The following GPM6B variants were observed in gnomAD, a reference collection of about 807,000 sequenced individuals.
GPM6B encodes the protein neuronal membrane glycoprotein M6-b.
In GPM6B, 4 loss-of-function variants were observed where a neutral mutation model predicts 27.2. The ratio of observed to expected loss-of-function variants is 0.15; its 90% confidence interval spans 0.07 to 0.34. The LOEUF (loss-of-function observed/expected upper bound fraction) is 0.34. Among genes scored for constraint, GPM6B ranks in the 10% least tolerant of loss-of-function variants. The probability of loss-of-function intolerance (pLI) is 1.00; values close to 1 mark genes in which losing one functional copy is unlikely to be tolerated. For missense variants in GPM6B, 183 were observed against 261.9 expected, an observed-to-expected ratio of 0.70 and a Z score of 2.08; for synonymous variants, 124 against 103.1, an observed-to-expected ratio of 1.20 and a Z score of -1.23.
chrX:13,860,984 A>G (rs1320990765), intron 1 of GPM6B, among the ~76,000 whole-genome samples: 1 of 107,096 alleles, frequency 9.3e-6, no homozygotes, highest in African/African-American at 3.4e-5. Context: ...ATGGCTGAGT[A>G]TTCCACAGAA....
intron 1 of GPM6B, among the ~76,000 whole-genome samples, chrX:13,870,795 C>T (rs1299370908): frequency 8.9e-6 from 1 of 111,945 alleles, no homozygotes; most frequent in Admixed American, 9.5e-5. Flanking sequence ...TCTAGAACAG[C>T]CCTTTGCAAA....
At position 13,817,070 on chromosome X, in the gene GPM6B, T is replaced by C. The variant is rs1457482850; in HGVS notation, c.-166A>G. 1.9e-5 allele frequency: 20 copies of C among 1,028,410 alleles called. No individual in the cohort carries two copies. The highest frequency in any genetic ancestry group is 6.0e-5 in the African/African-American group (3 of 50,213). 84.8% of individuals were successfully genotyped at this position (1,028,410 alleles called of 1,213,427 possible). A position where few individuals can be genotyped will look rare whatever the true frequency, so the allele number is the denominator to read the frequency against. The stretch of plus-strand genomic sequence containing the variant: ...TACAGTCCCTTCCAAGATGCAAAAG[T>C]CTTGTCAGCGTCAATTTCGCTCTGC... On this transcript the variant is annotated 5_prime_UTR_variant, in exon 1 of 8. Transcript: ENST00000316715.
At chrX:13,778,640 T>C (rs941826152) in intron 5 of GPM6B, among the ~76,000 whole-genome samples, 3 of 112,252 alleles carry the variant, frequency 2.7e-5, no homozygotes, top group South Asian at 3.7e-4. Context: ...TACCCCAAAT[T>C]ATCAGTGAAA....
At chrX:13,931,769 T>C (rs752515055) in intron 1 of GPM6B, among the ~76,000 whole-genome samples, 29 of 112,162 alleles carry the variant, frequency 2.6e-4, no homozygotes, top group Non-Finnish European at 4.5e-4. Context: ...TTCAGTTCCC[T>C]GACCAAATCG....
In GPM6B at chrX:13,853,401, C is replaced by T. The variant is rs764721279; in HGVS notation, c.-197-67593G>A. ...GGTGAATCACTTGAGGTCAGGAGTT[C>T]GGGACCAGCCTGGCCAACATGGTGA... is the stretch of plus-strand genomic sequence containing the variant. On this transcript the variant is annotated intron_variant, in intron 1 of 6. Transcript: ENST00000398361. Among the ~76,000 whole-genome samples, 90 of 109,187 alleles carry T rather than the reference C, an allele frequency of 8.2e-4. 1 individual carries two copies. The Middle Eastern group carries it at 0.023, about 28-fold the overall frequency. The allele number at this position is 109,187 out of a possible 115,157, so 94.8% of individuals were successfully genotyped here.
intron 1 of GPM6B, among the ~76,000 whole-genome samples, chrX:13,852,072 T>C (rs1410094291): frequency 9.0e-6 from 1 of 111,210 alleles, no homozygotes. Flanking sequence ...AACTAAACAC[T>C]ACAGGTGCAG....
At chrX:13,790,942 G>A (rs1431124758) in intron 2 of GPM6B, among the ~76,000 whole-genome samples, 1 of 111,774 alleles carries the variant, frequency 8.9e-6, no homozygotes, top group Non-Finnish European at 1.9e-5. Flanking sequence ...GATTCAGGCT[G>A]TCCTTAGTAG....
intron 2 of GPM6B, among the ~76,000 whole-genome samples, chrX:13,796,572 G>A (rs955248983): frequency 6.2e-5 from 7 of 112,139 alleles, no homozygotes; most frequent in Non-Finnish European, 1.3e-4. Context: ...TCAAATATAG[G>A]TTGCTTCTCA....
chrX:13,931,437 G>A (rs968856857), intron 1 of GPM6B, among the ~76,000 whole-genome samples: 31 of 108,801 alleles, frequency 2.8e-4, no homozygotes, highest in Middle Eastern at 9.6e-3. Context: ...GCAGTGAGCC[G>A]AGATCGCACC....
intron 1 of GPM6B, among the ~76,000 whole-genome samples, chrX:13,931,730 C>A (rs1029705443): frequency 9.0e-6 from 1 of 111,342 alleles, no homozygotes; most frequent in Non-Finnish European, 1.9e-5. Flanking sequence ...CATTTGTAAT[C>A]AACTAAAATT....
intron 1 of GPM6B, among the ~76,000 whole-genome samples, chrX:13,842,181 A>G (rs759106730): frequency 5.3e-5 from 6 of 112,469 alleles, no homozygotes; most frequent in Non-Finnish European, 1.1e-4. Context: ...TAGGTTTAGA[A>G]AATTGTCATT....
chrX:13,830,485 A>G (rs960381100), intron 1 of GPM6B, among the ~76,000 whole-genome samples: 5 of 112,527 alleles, frequency 4.4e-5, no homozygotes, highest in African/African-American at 1.3e-4. Flanking sequence ...CTTACTTACT[A>G]GCAAGCCACA....
chrX:13,793,551 T>C (rs1314214849), intron 2 of GPM6B, among the ~76,000 whole-genome samples: 2 of 112,270 alleles, frequency 1.8e-5, no homozygotes, highest in Non-Finnish European at 3.8e-5. Flanking sequence ...AAGGTTACAA[T>C]ACATAATTCT....
In GPM6B at chrX:13,849,765, G is replaced by C. The variant is rs748694333; in HGVS notation, c.-197-63957C>G. ...TGTTATTTTGGGGGTGGGGGGGAGA[G>C]TAATAAAATATAGGCCCGGTGTGGT... On this transcript the variant is annotated intron_variant, in intron 1 of 6. Coordinates refer to the GPM6B transcript ENST00000398361. Among the ~76,000 whole-genome samples the C allele has an allele frequency of 2.7e-5, 3 of 110,061 alleles. No individual in the cohort carries two copies. The South Asian group carries it at 1.2e-3, about 44-fold the overall frequency.
At chrX:13,784,202 T>C (rs1277803750) in intron 3 of GPM6B, among the ~76,000 whole-genome samples, 2 of 112,904 alleles carry the variant, frequency 1.8e-5, no homozygotes, top group South Asian at 3.6e-4. Flanking sequence ...AAAATACTGG[T>C]ACCTGGATCC....
At chrX:13,797,158 T>C (rs1208744854) in intron 2 of GPM6B, among the ~76,000 whole-genome samples, 1 of 112,393 alleles carries the variant, frequency 8.9e-6, no homozygotes, top group Admixed American at 9.4e-5. Flanking sequence ...TTCCATTCAA[T>C]GAGTGTCTGT....
At chrX:13,893,351 T>G (rs2050204415) in intron 1 of GPM6B, among the ~76,000 whole-genome samples, 1 of 110,057 alleles carries the variant, frequency 9.1e-6, no homozygotes, top group African/African-American at 3.3e-5. Flanking sequence ...TAGATTTTCC[T>G]CCTAGGTTAA....
intron 1 of GPM6B, among the ~76,000 whole-genome samples, chrX:13,862,000 G>A (rs1464384423): frequency 1.8e-5 from 2 of 111,191 alleles, no homozygotes; most frequent in Non-Finnish European, 3.8e-5. Context: ...ACAGCTCAGT[G>A]GGTTAAATCT....
At chrX:13,888,042 A>C (rs764220975) in intron 1 of GPM6B, among the ~76,000 whole-genome samples, 7 of 112,382 alleles carry the variant, frequency 6.2e-5, no homozygotes, top group Non-Finnish European at 1.1e-4. Flanking sequence ...AGGACAGAAA[A>C]ACAGATTGAG....
Sources: allele counts gnomAD v4.1 joint callset (sites outside exome capture counted in the v4.1 genomes callset), GRCh38; gene constraint gnomAD v4.1.1; transcripts MANE v1.5; gene names NCBI Gene and HGNC (gene_info 2026-07-23, HGNC 2026-07-21).